Variants in OPCML observed in about 807,000 individuals in gnomAD.
OPCML encodes the protein opioid binding protein/cell adhesion molecule like, also known as opioid-binding protein/cell adhesion molecule.
Under a neutral mutation model 37.8 loss-of-function variants are expected in OPCML, and 13 were observed. The ratio of observed to expected loss-of-function variants is 0.34; its 90% confidence interval spans 0.22 to 0.55. The LOEUF (loss-of-function observed/expected upper bound fraction) is 0.55. OPCML is among the 20% of genes least tolerant of loss of function. The pLI is 0.91. For synonymous variants in OPCML, 176 were observed against 168.8 expected, an observed-to-expected ratio of 1.04 and a Z score of -0.33; for missense variants, 341 against 435.6, an observed-to-expected ratio of 0.78 and a Z score of 1.93.
intron 2 of OPCML, among the ~76,000 whole-genome samples, chr11:132,864,187 C>T (rs1398857508): frequency 2.0e-5 from 3 of 152,164 alleles, no homozygotes; most frequent in African/African-American, 7.2e-5. Context: ...ATCCACCCTC[C>T]TCGGCCTCTC....
chr11:132,950,293 T>G (rs1009434889), intron 1 of OPCML, among the ~76,000 whole-genome samples: 2 of 152,084 alleles, frequency 1.3e-5, no homozygotes, highest in Non-Finnish European at 2.9e-5. Context: ...ACGATGGCAA[T>G]GAAGACAGAG....
chr11:132,782,855 T>G (rs530974400), intron 2 of OPCML, among the ~76,000 whole-genome samples: 13 of 148,152 alleles, frequency 8.8e-5, no homozygotes, highest in South Asian at 6.3e-4. Context: ...ATATCCACTA[T>G]TTACATATAT....
At chr11:132,828,001 C>A (rs1940460745) in intron 2 of OPCML, among the ~76,000 whole-genome samples, 3 of 152,032 alleles carry the variant, frequency 2.0e-5, no homozygotes, top group African/African-American at 7.3e-5. Flanking sequence ...AGATGTCCTT[C>A]AATAGGTGGA....
At chr11:132,606,701 AG>A (rs1385172028) in intron 3 of OPCML, among the ~76,000 whole-genome samples, 7 of 152,036 alleles carry the variant, frequency 4.6e-5, no homozygotes, top group Non-Finnish European at 1.0e-4. Context: ...TGCACCCAGG[AG>A]CCAATTAGGG....
At chr11:133,280,772 C>T (rs1592163373) in intron 1 of OPCML, among the ~76,000 whole-genome samples, 2 of 152,246 alleles carry the variant, frequency 1.3e-5, no homozygotes, top group East Asian at 3.9e-4. Flanking sequence ...CTTTCTTGAT[C>T]CATTATATCG....
intron 1 of OPCML, among the ~76,000 whole-genome samples, chr11:133,414,018 G>A (rs370844716): frequency 6.6e-6 from 1 of 152,170 alleles, no homozygotes; most frequent in South Asian, 2.1e-4. Flanking sequence ...TTCCATATGT[G>A]TGTGTGCTTA....
At chr11:133,527,259 G>T (rs1227127432) in intron 1 of OPCML, among the ~76,000 whole-genome samples, 1 of 152,192 alleles carries the variant, frequency 6.6e-6, no homozygotes, top group Admixed American at 6.5e-5. Context: ...GCAACGTTTT[G>T]AGAGACCAAA....
rs578184030 is a variant in OPCML at position 133,179,788 on chromosome 11, G to A, written c.62-236778C>T. On this transcript the variant is annotated intron_variant, in intron 1 of 7. Coordinates refer to ENST00000524381, the MANE Select transcript of OPCML (RefSeq NM_001012393.5). ...GTTGCTAGGAAGAGCAGAGGAAAGA[G>A]CATTTCAAATAGAAGAACAGCCTCC... 7.2e-5 allele frequency among the ~76,000 whole-genome samples: 11 copies of A among 152,322 alleles called. No individual in the cohort carries two copies. The East Asian group carries it at 9.7e-4, about 13-fold the overall frequency.
intron 2 of OPCML, among the ~76,000 whole-genome samples, chr11:132,833,659 T>C (rs1301608212): frequency 6.6e-6 from 1 of 152,232 alleles, no homozygotes; most frequent in African/African-American, 2.4e-5. Flanking sequence ...CACAGTAGAT[T>C]TGTTTACACC....
At chr11:133,320,509 A>G (rs577548881) in intron 1 of OPCML, among the ~76,000 whole-genome samples, 2 of 152,334 alleles carry the variant, frequency 1.3e-5, no homozygotes, top group Admixed American at 6.5e-5. Context: ...AAATTAAATG[A>G]AGCAAGTATC....
chr11:132,567,867 C>A (rs80075633), intron 3 of OPCML, among the ~76,000 whole-genome samples: 4 of 152,074 alleles, frequency 2.6e-5, no homozygotes, highest in African/African-American at 9.7e-5. Context: ...CCTGGTGTTG[C>A]ACAGAACAGT....
intron 1 of OPCML, among the ~76,000 whole-genome samples, chr11:133,214,574 T>C (rs1939508007): frequency 6.6e-6 from 1 of 152,222 alleles, no homozygotes; most frequent in South Asian, 2.1e-4. Flanking sequence ...ATTTAATCCA[T>C]ATAGTTCATA....
At chr11:132,561,745 A>G (rs2096411185) in intron 3 of OPCML, among the ~76,000 whole-genome samples, 1 of 152,260 alleles carries the variant, frequency 6.6e-6, no homozygotes, top group South Asian at 2.1e-4. Flanking sequence ...AAAGAGACAT[A>G]ACTGTTAAAC....
At chr11:132,519,453 G>C (rs1177728010) in intron 4 of OPCML, among the ~76,000 whole-genome samples, 1 of 152,070 alleles carries the variant, frequency 6.6e-6, no homozygotes, top group Non-Finnish European at 1.5e-5. Flanking sequence ...CCAAGAAGGA[G>C]ATTCTCAGGA....
intron 1 of OPCML, among the ~76,000 whole-genome samples, chr11:133,123,325 C>G (rs1949449313): frequency 6.6e-6 from 1 of 152,040 alleles, no homozygotes; most frequent in African/African-American, 2.4e-5. Flanking sequence ...AAACAGAGAC[C>G]CTGGGTGAAG....
chr11:133,484,004 G>A (rs1178216936), intron 1 of OPCML, among the ~76,000 whole-genome samples: 2 of 150,818 alleles, frequency 1.3e-5, no homozygotes, highest in African/African-American at 4.9e-5. Flanking sequence ...TAGCTAGATA[G>A]ATAGATAGAC....
At chr11:132,473,347 C>T (rs2096144064) in intron 4 of OPCML, among the ~76,000 whole-genome samples, 1 of 152,224 alleles carries the variant, frequency 6.6e-6, no homozygotes. Flanking sequence ...ATGCTACTCC[C>T]TTATGGGGAA....
At chr11:133,136,374 A>G (rs551326273) in intron 1 of OPCML, among the ~76,000 whole-genome samples, 2 of 63,070 alleles carry the variant, frequency 3.2e-5, no homozygotes, top group South Asian at 4.7e-4. Context: ...CAGAGCCCCA[A>G]CTTTTTTCCC....
chr11:133,498,518 G>A (rs1023470390), intron 1 of OPCML, among the ~76,000 whole-genome samples: 2 of 152,138 alleles, frequency 1.3e-5, no homozygotes, highest in African/African-American at 4.8e-5. Context: ...AGCCTTCCTC[G>A]CACCATCTGG....
Sources: gnomAD v4.1 joint callset for allele counts (sites outside exome capture counted in the v4.1 genomes callset) on GRCh38, gnomAD v4.1.1 for gene constraint, MANE v1.5 for transcripts, NCBI Gene and HGNC (gene_info 2026-07-23, HGNC 2026-07-21) for gene names.